The following FGF13 variants were observed in gnomAD, a reference collection of about 807,000 sequenced individuals.
FGF13 encodes fibroblast growth factor homologous factor 2.
FGF13 carries 2 observed loss-of-function variants against 19.5 expected under a neutral mutation model. The observed-to-expected ratio is 0.10, with a 90% CI of 0.04 to 0.32. The LOEUF (loss-of-function observed/expected upper bound fraction) is 0.32, where lower values mean the gene tolerates loss of function less well. Among genes scored for constraint, FGF13 ranks in the 10% least tolerant of loss-of-function variants. FGF13 has a pLI of 1.00. For missense variants in FGF13, 113 were observed against 192.7 expected, an observed-to-expected ratio of 0.59 and a Z score of 2.45; for synonymous variants, 72 against 76.9, an observed-to-expected ratio of 0.94 and a Z score of 0.33.
intron 1 of FGF13, among the ~76,000 whole-genome samples, chrX:138,978,681 A>G (rs959593446): frequency 2.7e-5 from 3 of 112,309 alleles, no homozygotes; most frequent in Non-Finnish European, 5.6e-5. Flanking sequence ...TTAGATTTAT[A>G]TAATATATTC....
chrX:138,885,955 C>T (rs1001049366), intron 1 of FGF13, among the ~76,000 whole-genome samples: 3 of 111,329 alleles, frequency 2.7e-5, no homozygotes, highest in African/African-American at 9.8e-5. Context: ...ACACCACTTC[C>T]AGTGCATTCG....
chrX:139,157,679 T>G (rs1286028704), intron 1 of FGF13, among the ~76,000 whole-genome samples: 1 of 112,945 alleles, frequency 8.9e-6, no homozygotes, highest in African/African-American at 3.2e-5. Flanking sequence ...GTATTCTGTT[T>G]TAGCAATAGA....
At chrX:138,788,400 A>G (rs900496948) in intron 3 of FGF13, among the ~76,000 whole-genome samples, 1 of 112,092 alleles carries the variant, frequency 8.9e-6, no homozygotes, top group Non-Finnish European at 1.9e-5. Flanking sequence ...CAACTTCTGG[A>G]CCCACTGGGG....
intron 1 of FGF13, among the ~76,000 whole-genome samples, chrX:138,894,308 G>C (rs762340173): frequency 1.9e-4 from 21 of 108,980 alleles, no homozygotes; most frequent in African/African-American, 6.9e-4. Context: ...ACTAAGATCA[G>C]AGCAGAACTG....
chrX:138,800,935 T>C (rs760020279), intron 3 of FGF13, among the ~76,000 whole-genome samples: 1 of 112,222 alleles, frequency 8.9e-6, no homozygotes, highest in Admixed American at 9.5e-5. Context: ...CTCCATCAGG[T>C]CATTTTTGTT....
intron 1 of FGF13, among the ~76,000 whole-genome samples, chrX:139,104,042 C>A (rs757492968): frequency 9.0e-6 from 1 of 111,394 alleles, no homozygotes; most frequent in African/African-American, 3.3e-5. Flanking sequence ...TTCTCATCTG[C>A]AAAATGGCGG....
chrX:138,902,300 T>C (rs1179333656), intron 1 of FGF13, among the ~76,000 whole-genome samples: 1 of 112,154 alleles, frequency 8.9e-6, no homozygotes, highest in African/African-American at 3.2e-5. Flanking sequence ...GGGATAAATG[T>C]TGCACCCATT....
At position 138,925,662 on chromosome X, in the gene FGF13, T is replaced by C. The variant is rs145537137; in HGVS notation, c.-112-61012A>G. 5.5e-3 allele frequency among the ~76,000 whole-genome samples: 609 copies of C among 111,040 alleles called. 2 individuals are homozygous for C. The highest frequency in any genetic ancestry group is 0.011 in the African/African-American group (351 of 30,527). ...AAGGGATGAGTAACAGGTTCACTAATAAATTCAAAACTTTTTCAGAAAGCC... is the reference window on the plus strand; with the variant it reads ...AAGGGATGAGTAACAGGTTCACTAACAAATTCAAAACTTTTTCAGAAAGCC... On this transcript the variant is annotated intron_variant, in intron 1 of 2. Transcript: ENST00000421460.
intron 1 of FGF13, among the ~76,000 whole-genome samples, chrX:139,148,974 C>T (rs961847583): frequency 9.0e-6 from 1 of 111,284 alleles, no homozygotes; most frequent in Non-Finnish European, 1.9e-5. Context: ...CTTTTGCCCC[C>T]AATACCAAAT....
At chrX:138,824,767 G>T (rs2091022877) in intron 3 of FGF13, among the ~76,000 whole-genome samples, 1 of 111,519 alleles carries the variant, frequency 9.0e-6, no homozygotes, top group Non-Finnish European at 1.9e-5. Flanking sequence ...ATTGGGCACG[G>T]CTAGGATTTT....
intron 1 of FGF13, among the ~76,000 whole-genome samples, chrX:138,891,358 G>A (rs966009441): frequency 2.7e-5 from 3 of 111,330 alleles, no homozygotes; most frequent in Admixed American, 9.5e-5. Flanking sequence ...CAGCATGTTC[G>A]GCTTCTGGTG....
chrX:139,055,636 T>C (rs1045284681), intron 1 of FGF13, among the ~76,000 whole-genome samples: 1 of 112,754 alleles, frequency 8.9e-6, no homozygotes, highest in African/African-American at 3.2e-5. Flanking sequence ...TCCTCACAAA[T>C]TGATATGGAT....
intron 1 of FGF13, among the ~76,000 whole-genome samples, chrX:139,031,047 G>A (rs755795792): frequency 6.3e-5 from 7 of 111,440 alleles, no homozygotes; most frequent in Non-Finnish European, 1.1e-4. Context: ...TACTATAAAT[G>A]TGTATCTCCC....
intron 1 of FGF13, among the ~76,000 whole-genome samples, chrX:138,923,454 TG>T (rs1306744689): frequency 8.9e-6 from 1 of 112,036 alleles, no homozygotes; most frequent in African/African-American, 3.2e-5. Flanking sequence ...TTTTCTAGGT[TG>T]GTAGTACAGC....
At chrX:138,635,678 A>G (rs2089174888) in intron 3 of FGF13, 23 bp from the exon 4 acceptor site, 2 of 1,137,125 alleles carry the variant, frequency 1.8e-6, no homozygotes, top group Non-Finnish European at 2.4e-6. Context: ...TAAATAAACA[A>G]AAGTTCAGTG....
intron 1 of FGF13, among the ~76,000 whole-genome samples, chrX:138,979,257 G>A (rs1489602839): frequency 8.9e-6 from 1 of 111,948 alleles, no homozygotes; most frequent in Non-Finnish European, 1.9e-5. Context: ...AAGCACATTA[G>A]TTGGGAAATG....
chrX:139,166,998 C>G (rs183985253), intron 1 of FGF13, among the ~76,000 whole-genome samples: 1 of 111,781 alleles, frequency 8.9e-6, no homozygotes, highest in South Asian at 3.8e-4. Context: ...CCAAACTCAT[C>G]GTCCTCTTTT....
intron 1 of FGF13, among the ~76,000 whole-genome samples, chrX:139,073,142 C>G (rs866421222): frequency 2.4e-4 from 25 of 105,204 alleles, no homozygotes; most frequent in Admixed American, 8.3e-4. Context: ...TTCCCCCCCC[C>G]CTTTTCTGTG....
chrX:138,703,682 C>T, intron 2 of FGF13, among the ~76,000 whole-genome samples: 1 of 111,955 alleles, frequency 8.9e-6, no homozygotes, highest in Non-Finnish European at 1.9e-5. Flanking sequence ...AAGAAAAAGT[C>T]ATTTTGTAGT....
Sources: gnomAD v4.1 joint callset for allele counts (sites outside exome capture counted in the v4.1 genomes callset) on GRCh38, gnomAD v4.1.1 for gene constraint, MANE v1.5 for transcripts, NCBI Gene and HGNC (gene_info 2026-07-23, HGNC 2026-07-21) for gene names.